The following KLHL29 variants were observed in gnomAD, a reference collection of about 807,000 sequenced individuals.
The protein encoded by KLHL29 is kelch like family member 29.
KLHL29 carries 21 observed loss-of-function variants against 80.4 expected under a neutral mutation model. That is an observed-to-expected ratio of 0.26 (90% CI 0.19 to 0.38). KLHL29 has a LOEUF of 0.38. Ranked by LOEUF, KLHL29 falls within the 10% of genes least tolerant of loss-of-function variation. The pLI is 1.00. For synonymous variants in KLHL29, 511 were observed against 526.8 expected (o/e 0.97, Z 0.41); for missense variants, 867 against 1,223.9 (o/e 0.71, Z 4.35).
At chr2:23,431,096 C>G (rs1307923411) in intron 1 of KLHL29, among the ~76,000 whole-genome samples, 1 of 152,212 alleles carries the variant, frequency 6.6e-6, no homozygotes, top group Non-Finnish European at 1.5e-5. Flanking sequence ...TGCTGGAAAA[C>G]CCCTCTAGCA....
intron 8 of KLHL29, 73 bp downstream of exon 8, chr2:23,693,601 A>C: frequency 2.8e-6 from 4 of 1,450,760 alleles, no homozygotes; most frequent in Non-Finnish European, 3.8e-6. Context: ...GTCTGCAGCA[A>C]GGAGGAAGGA....
chr2:23,622,123 T>C (rs192364348), intron 3 of KLHL29, among the ~76,000 whole-genome samples: 2 of 152,318 alleles, frequency 1.3e-5, no homozygotes, highest in African/African-American at 2.4e-5. Flanking sequence ...TCTCATTTTG[T>C]AGATGAGGAA....
At position 23,681,114 on chromosome 2, in the gene KLHL29, GCA is replaced by G. The variant is rs1214482609; in HGVS notation, c.941-3282_941-3281del. On this transcript the variant is annotated intron_variant, in intron 5 of 13. Coordinates refer to ENST00000486442, the MANE Select transcript of KLHL29 (RefSeq NM_052920.2). The surrounding 1 kb of genome is among the most constrained non-coding windows in gnomAD (Gnocchi z 4.2). ...GGATTCTGGGTCTCCCCACCGACAGGCACAGCCTGAGAGCCTAAGCTCCTGCT... is the reference window on the plus strand; with the variant it reads ...GGATTCTGGGTCTCCCCACCGACAGGCAGCCTGAGAGCCTAAGCTCCTGCT... 2.0e-5 allele frequency among the ~76,000 whole-genome samples: 3 copies of G among 152,232 alleles called. No individual in the cohort carries two copies. The highest frequency in any genetic ancestry group is 6.5e-5 in the Admixed American group (1 of 15,286).
chr2:23,486,479 G>T (rs1328695290), intron 2 of KLHL29, among the ~76,000 whole-genome samples: 1 of 152,088 alleles, frequency 6.6e-6, no homozygotes, highest in Non-Finnish European at 1.5e-5. Flanking sequence ...GATCCCCAAG[G>T]ACCAGTCAGG....
At position 23,522,757 on chromosome 2, in the gene KLHL29, T is replaced by C. The variant is rs531021377; in HGVS notation, c.-45-39395T>C. Among the ~76,000 whole-genome samples, 62 of 152,252 alleles carry C rather than the reference T, an allele frequency of 4.1e-4. 2 individuals are homozygous for C. The South Asian group carries it at 0.013, about 31-fold the overall frequency. On this transcript the variant is annotated intron_variant, in intron 2 of 13. Coordinates refer to ENST00000486442, the MANE Select transcript of KLHL29 (RefSeq NM_052920.2). Reference sequence around the variant, plus strand: ...CCCTGAGTCTGGACCCCCGAGCTTTTATTCCTGACTCCAGTGGCAACTCTC... The same window carrying C: ...CCCTGAGTCTGGACCCCCGAGCTTTCATTCCTGACTCCAGTGGCAACTCTC...
chr2:23,693,181 A>C, intron 7 of KLHL29, 88 bp from the exon 8 acceptor site: 1 of 1,441,000 alleles, frequency 6.9e-7, no homozygotes, highest in Non-Finnish European at 9.2e-7. Context: ...ATGTGGGTTC[A>C]GAGAAGGATC....
At chr2:23,590,217 C>T (rs564285112) in intron 3 of KLHL29, among the ~76,000 whole-genome samples, 1 of 152,348 alleles carries the variant, frequency 6.6e-6, no homozygotes, top group African/African-American at 2.4e-5. Context: ...TGTTGTATTC[C>T]TCTGATACTC....
At chr2:23,598,982 C>T (rs114345542) in intron 3 of KLHL29, among the ~76,000 whole-genome samples, 2,086 of 152,358 alleles carry the variant, frequency 0.014, 15 homozygotes, top group Middle Eastern at 0.031. Context: ...CCCAGCCCAG[C>T]TTGCATGAAA....
At chr2:23,430,684 C>G (rs528000086) in intron 1 of KLHL29, among the ~76,000 whole-genome samples, 1 of 152,336 alleles carries the variant, frequency 6.6e-6, no homozygotes, top group South Asian at 2.1e-4. Context: ...CCCTGCCTAC[C>G]TCAGCCCACA....
intron 1 of KLHL29, among the ~76,000 whole-genome samples, chr2:23,466,548 G>A (rs1264993752): frequency 6.6e-6 from 1 of 152,170 alleles, no homozygotes; most frequent in Non-Finnish European, 1.5e-5. Flanking sequence ...AATGGTGTAG[G>A]TTCAGAAAGG....
At chr2:23,631,052 G>A (rs1408664377) in intron 3 of KLHL29, among the ~76,000 whole-genome samples, 1 of 152,172 alleles carries the variant, frequency 6.6e-6, no homozygotes, top group African/African-American at 2.4e-5. Context: ...ATGACCCTTG[G>A]GGCTGGCCAC....
rs79878218 is a variant in KLHL29, at chr2:23,564,395, G to T, written c.285+1914G>T. Among the ~76,000 whole-genome samples the T allele has an allele frequency of 2.8e-3, 433 of 152,306 alleles. 5 individuals are homozygous for T. The highest frequency in any genetic ancestry group is 9.9e-3 in the Admixed American group (151 of 15,308). On this transcript the variant is annotated intron_variant, in intron 3 of 13. Transcript: ENST00000486442. ...AGGGTGGCCAGGAGGGGGAGAGGGG[G>T]CGAAAGTTCATTCCTGTGAGGACAG...
intron 1 of KLHL29, among the ~76,000 whole-genome samples, chr2:23,458,544 A>G (rs957292604): frequency 5.3e-5 from 8 of 152,246 alleles, no homozygotes; most frequent in African/African-American, 1.4e-4. Flanking sequence ...GGAAGACAAG[A>G]AATTAATCAT....
At chr2:23,586,524 T>C (rs1457374030) in intron 3 of KLHL29, among the ~76,000 whole-genome samples, 1 of 151,762 alleles carries the variant, frequency 6.6e-6, no homozygotes, top group East Asian at 1.9e-4. Flanking sequence ...CATGCCCGGC[T>C]AATTTTTGTA....
intron 1 of KLHL29, among the ~76,000 whole-genome samples, chr2:23,469,437 T>C (rs1345554634): frequency 6.6e-6 from 1 of 152,128 alleles, no homozygotes; most frequent in Non-Finnish European, 1.5e-5. Flanking sequence ...GGAGAGAAGA[T>C]GCAGGAGCAC....
At chr2:23,519,579 C>T (rs1014144409) in intron 2 of KLHL29, among the ~76,000 whole-genome samples, 1 of 152,006 alleles carries the variant, frequency 6.6e-6, no homozygotes, top group Non-Finnish European at 1.5e-5. Flanking sequence ...TATGTGAACC[C>T]AGAAAATCTG....
intron 1 of KLHL29, among the ~76,000 whole-genome samples, chr2:23,464,039 A>T (rs895204891): frequency 6.6e-6 from 1 of 152,236 alleles, no homozygotes; most frequent in African/African-American, 2.4e-5. Context: ...TTTGAAAAGT[A>T]ATGTAGCGGG....
rs181605690 is a variant in KLHL29, at chr2:23,637,584, G to T, written c.286-1555G>T. Among the ~76,000 whole-genome samples, 26 of 152,342 alleles carry T rather than the reference G, an allele frequency of 1.7e-4. No homozygotes were observed. The East Asian group carries it at 5.0e-3, about 29-fold the overall frequency. On this transcript the variant is annotated intron_variant, in intron 3 of 13. Coordinates refer to ENST00000486442, the MANE Select transcript of KLHL29 (RefSeq NM_052920.2). ...TGCAGCCTGATGCAATTAGCTGAGC[G>T]CAGCCCACAGGTCCTAATGGGATAC... is the stretch of plus-strand genomic sequence containing the variant.
At chr2:23,548,242 G>A (rs1034882043) in intron 2 of KLHL29, among the ~76,000 whole-genome samples, 1 of 151,924 alleles carries the variant, frequency 6.6e-6, no homozygotes, top group Non-Finnish European at 1.5e-5. Context: ...CCCAGCTTGG[G>A]GACCCTGTGA....
Sources: allele counts gnomAD v4.1 joint callset (sites outside exome capture counted in the v4.1 genomes callset), GRCh38; gene constraint gnomAD v4.1.1; non-coding constraint Gnocchi (gnomAD v3.1); transcripts MANE v1.5; gene names NCBI Gene and HGNC (gene_info 2026-07-23, HGNC 2026-07-21).